Variants in PPM1L observed in about 807,000 individuals in gnomAD.
PPM1L encodes the protein protein phosphatase 1L.
In PPM1L, 13 loss-of-function variants were observed where a neutral mutation model predicts 31.4. That is an observed-to-expected ratio of 0.41 (90% confidence interval 0.27 to 0.66). The LOEUF (loss-of-function observed/expected upper bound fraction) is 0.66, where lower values mean the gene tolerates loss of function less well. Among genes scored for constraint, PPM1L ranks in the 30% least tolerant of loss-of-function variants. PPM1L has a pLI of 0.29. For missense variants in PPM1L, 326 were observed against 453.7 expected, an observed-to-expected ratio of 0.72 and a Z score of 2.56; for synonymous variants, 184 against 175.4, an observed-to-expected ratio of 1.05 and a Z score of -0.39.
At chr3:160,876,165 C>T (rs955264375) in intron 1 of PPM1L, among the ~76,000 whole-genome samples, 1 of 152,184 alleles carries the variant, frequency 6.6e-6, no homozygotes, top group Non-Finnish European at 1.5e-5. Context: ...TCAAAATAAC[C>T]TATCCTTCAT....
intron 1 of PPM1L, among the ~76,000 whole-genome samples, chr3:160,859,733 C>T (rs1462685075): frequency 1.3e-5 from 2 of 152,210 alleles, no homozygotes; most frequent in Non-Finnish European, 2.9e-5. Context: ...GAGCCACCCT[C>T]ACCCCTGGGT....
At chr3:160,857,721 A>C (rs1192392551) in intron 1 of PPM1L, among the ~76,000 whole-genome samples, 4 of 152,228 alleles carry the variant, frequency 2.6e-5, no homozygotes, top group Non-Finnish European at 5.9e-5. Context: ...AGGCAGGCAT[A>C]TAAACAAATA....
At chr3:160,985,884 TA>T (rs1174917443) in intron 2 of PPM1L, among the ~76,000 whole-genome samples, 1 of 151,942 alleles carries the variant, frequency 6.6e-6, no homozygotes, top group African/African-American at 2.4e-5. Flanking sequence ...TCTAAACAGA[TA>T]AATATTCTCC....
intron 1 of PPM1L, among the ~76,000 whole-genome samples, chr3:160,953,852 A>G (rs1715649235): frequency 6.6e-6 from 1 of 152,178 alleles, no homozygotes; most frequent in Admixed American, 6.5e-5. Flanking sequence ...TGCTTTTAAC[A>G]GCTTTGCCCT....
intron 2 of PPM1L, among the ~76,000 whole-genome samples, chr3:160,970,752 C>T (rs1268574884): frequency 1.3e-5 from 2 of 148,956 alleles, no homozygotes; most frequent in South Asian, 2.1e-4. Flanking sequence ...GCTATTGCAC[C>T]TGGCCTAACC....
chr3:160,772,143 A>G (rs937937104), intron 1 of PPM1L, among the ~76,000 whole-genome samples: 8 of 152,160 alleles, frequency 5.3e-5, no homozygotes, highest in Non-Finnish European at 7.4e-5. Flanking sequence ...TGAAGAAGTC[A>G]TGGGGTAAAG....
At chr3:160,872,842 G>A (rs1185945537) in intron 1 of PPM1L, among the ~76,000 whole-genome samples, 2 of 152,166 alleles carry the variant, frequency 1.3e-5, no homozygotes, top group East Asian at 3.9e-4. Context: ...CAGGAGAATC[G>A]CTTGAACCCC....
intron 2 of PPM1L, among the ~76,000 whole-genome samples, chr3:161,028,862 C>A (rs1383790816): frequency 6.6e-6 from 1 of 152,102 alleles, no homozygotes; most frequent in South Asian, 2.1e-4. Flanking sequence ...AGATTGTACT[C>A]CTTAACATGC....
At chr3:160,904,697 C>G (rs557304551) in intron 1 of PPM1L, among the ~76,000 whole-genome samples, 1 of 147,738 alleles carries the variant, frequency 6.8e-6, no homozygotes, top group Non-Finnish European at 1.5e-5. Context: ...GTCTTATTAT[C>G]ATAGGCACAT....
rs187940724 is a variant in PPM1L, at chr3:161,061,016, A to G, written c.575-4387A>G. 3.3e-5 allele frequency among the ~76,000 whole-genome samples: 5 copies of G among 152,204 alleles called. No homozygotes were observed. In the East Asian group the frequency reaches 5.8e-4, roughly 18 times the overall value. On this transcript the variant is annotated intron_variant, in intron 2 of 3. Transcript: ENST00000498165. ...ATGATTTTTTCATTTTCTCTTGGGC[A>G]TAATGTCTTTTCTGGAGTTTCCCAG...
intron 2 of PPM1L, among the ~76,000 whole-genome samples, chr3:160,977,182 A>G (rs1456169884): frequency 6.6e-6 from 1 of 152,022 alleles, no homozygotes; most frequent in African/African-American, 2.4e-5. Flanking sequence ...TCCTTAGTTG[A>G]TAAGTTTGTC....
At position 160,771,878 on chromosome 3, in the gene PPM1L, T is replaced by TC. The variant is rs1301237460; in HGVS notation, c.399+15172dup. Among the ~76,000 whole-genome samples, 114 of 152,072 alleles carry TC rather than the reference T, an allele frequency of 7.5e-4. 1 individual carries two copies. Among genetic ancestry groups the TC allele is most frequent in the African/African-American group, 2.6e-3 (106 of 41,458 alleles). Reference sequence around the variant, plus strand: ...TTATATTTGCTGTTTGTTTTTTTTTTCTTATCTATGGCTTGAAACCTTGGA... The same window carrying TC: ...TTATATTTGCTGTTTGTTTTTTTTTTCCTTATCTATGGCTTGAAACCTTGGA... On this transcript the variant is annotated intron_variant, in intron 1 of 3. Transcript: ENST00000498165.
chr3:160,766,055 CTCAAAG>C (rs566970015), intron 1 of PPM1L, among the ~76,000 whole-genome samples: 69 of 152,150 alleles, frequency 4.5e-4, no homozygotes, highest in African/African-American at 1.6e-3. Context: ...AATAGGAATC[CTCAAAG>C]TCAAAGTTTA....
At chr3:161,049,077 TA>T (rs199940685) in intron 2 of PPM1L, among the ~76,000 whole-genome samples, 20,164 of 140,884 alleles carry the variant, frequency 0.14, 1,459 homozygotes, top group South Asian at 0.28. Context: ...CTTAAAGTAT[TA>T]AAAAAAAAAA....
At chr3:160,822,068 A>T (rs572661983) in intron 1 of PPM1L, among the ~76,000 whole-genome samples, 1 of 152,064 alleles carries the variant, frequency 6.6e-6, no homozygotes, top group Admixed American at 6.6e-5. Flanking sequence ...ATTAAAAAAG[A>T]TTTATAATGT....
chr3:160,768,037 C>T (rs1275404249), intron 1 of PPM1L, among the ~76,000 whole-genome samples: 7 of 152,066 alleles, frequency 4.6e-5, no homozygotes. Flanking sequence ...TCTTTTTGCT[C>T]CATAGATAAT....
intron 1 of PPM1L, among the ~76,000 whole-genome samples, chr3:160,914,408 T>G (rs562911257): frequency 6.6e-5 from 10 of 151,502 alleles, no homozygotes; most frequent in Non-Finnish European, 1.0e-4. Flanking sequence ...CATTTAACAT[T>G]AGGTATATCT....
chr3:160,889,753 A>G (rs1251268404), intron 1 of PPM1L, among the ~76,000 whole-genome samples: 3 of 152,224 alleles, frequency 2.0e-5, no homozygotes, highest in Non-Finnish European at 4.4e-5. Context: ...AAAATCCTCA[A>G]TAAAATACTG....
chr3:160,839,606 A>T (rs985075577), intron 1 of PPM1L, among the ~76,000 whole-genome samples: 1 of 152,130 alleles, frequency 6.6e-6, no homozygotes, highest in Non-Finnish European at 1.5e-5. Flanking sequence ...TCCCAACTGG[A>T]TTGGTCAGAG....
Sources: allele counts gnomAD v4.1 joint callset (sites outside exome capture counted in the v4.1 genomes callset), GRCh38; gene constraint gnomAD v4.1.1; transcripts MANE v1.5; gene names NCBI Gene and HGNC (gene_info 2026-07-23, HGNC 2026-07-21).